Variants in CDK6 observed in about 807,000 individuals in gnomAD.
The protein encoded by CDK6 is cyclin dependent kinase 6.
A neutral mutation model predicts 37.1 loss-of-function variants in CDK6; 6 were observed. That is an observed-to-expected ratio of 0.16 (90% CI 0.09 to 0.32). The LOEUF is 0.32. CDK6 is among the 10% of genes least tolerant of loss of function. CDK6 has a pLI of 1.00. For missense variants in CDK6, 224 were observed against 418.9 expected (o/e 0.53, Z 4.06); for synonymous variants, 160 against 161.3 (o/e 0.99, Z 0.06).
chr7:92,732,163 AT>A (rs1443611829), intron 3 of CDK6, among the ~76,000 whole-genome samples: 5 of 152,238 alleles, frequency 3.3e-5, no homozygotes, highest in Admixed American at 3.3e-4. Context: ...CACACCTGTA[AT>A]CCTAGCACTT....
chr7:92,805,227 C>T (rs994998483), intron 2 of CDK6, among the ~76,000 whole-genome samples: 13 of 152,150 alleles, frequency 8.5e-5, no homozygotes, highest in African/African-American at 3.1e-4. Context: ...CACCCTTCAC[C>T]ACCATCACGT....
At chr7:92,712,675 A>G (rs1329998220) in intron 4 of CDK6, among the ~76,000 whole-genome samples, 1 of 152,172 alleles carries the variant, frequency 6.6e-6, no homozygotes, top group African/African-American at 2.4e-5. Context: ...TGCTGAGGTC[A>G]CTCTTGAAAG....
intron 2 of CDK6, among the ~76,000 whole-genome samples, chr7:92,820,176 CAAGA>C (rs972223659): frequency 5.9e-5 from 9 of 151,974 alleles, no homozygotes; most frequent in African/African-American, 1.4e-4. Flanking sequence ...CAAAATGATA[CAAGA>C]AAGTCATGGC....
chr7:92,792,558 A>G (rs1274481923), intron 2 of CDK6, among the ~76,000 whole-genome samples: 1 of 152,100 alleles, frequency 6.6e-6, no homozygotes, highest in Non-Finnish European at 1.5e-5. Context: ...GATTGTACCA[A>G]TTTATACTCC....
intron 5 of CDK6, among the ~76,000 whole-genome samples, chr7:92,627,660 G>A (rs1326581100): frequency 6.6e-6 from 1 of 152,000 alleles, no homozygotes; most frequent in African/African-American, 2.4e-5. Context: ...GACTGCTAAT[G>A]GGTATGGCGT....
chr7:92,667,962 G>A (rs1346025239), intron 5 of CDK6, among the ~76,000 whole-genome samples: 1 of 152,162 alleles, frequency 6.6e-6, no homozygotes, highest in Non-Finnish European at 1.5e-5. Context: ...AGTGTACAGT[G>A]TTTATAAAGT....
chr7:92,804,973 T>C (rs1800686243), intron 2 of CDK6, among the ~76,000 whole-genome samples: 3 of 152,240 alleles, frequency 2.0e-5, no homozygotes, highest in African/African-American at 2.4e-5. Flanking sequence ...GTACTGTTTG[T>C]ATAATTCTAG....
chr7:92,797,297 T>A (rs1800439248), intron 2 of CDK6, among the ~76,000 whole-genome samples: 1 of 152,164 alleles, frequency 6.6e-6, no homozygotes, highest in Non-Finnish European at 1.5e-5. Context: ...AACCTGGCTT[T>A]CCCACAGACA....
At chr7:92,756,764 T>C (rs557772109) in intron 3 of CDK6, among the ~76,000 whole-genome samples, 2 of 152,274 alleles carry the variant, frequency 1.3e-5, no homozygotes, top group South Asian at 4.1e-4. Flanking sequence ...AATCTATCTT[T>C]CCAATAACAA....
At chr7:92,683,180 T>C (rs943560927) in intron 4 of CDK6, among the ~76,000 whole-genome samples, 24 of 151,718 alleles carry the variant, frequency 1.6e-4, no homozygotes, top group African/African-American at 4.8e-4. Flanking sequence ...GCAGGGCTCA[T>C]TGTTTCCTCT....
At chr7:92,685,184 C>T (rs1393043404) in intron 4 of CDK6, among the ~76,000 whole-genome samples, 1 of 152,140 alleles carries the variant, frequency 6.6e-6, no homozygotes, top group East Asian at 1.9e-4. Context: ...CATTCATTTG[C>T]TCTTAATGAG....
rs1467894440 is a variant in CDK6 at position 92,606,099 on chromosome 7, A to C, written c.*9041T>G. On this transcript the variant is annotated 3_prime_UTR_variant, in exon 8 of 8. Coordinates refer to ENST00000424848, the MANE Select transcript of CDK6 (RefSeq NM_001145306.2). ...CTTATAAGTCTGTACCCTGATATGAAAATAGCAGAATGAATTTCAAGTATG... is the reference window on the plus strand; with the variant it reads ...CTTATAAGTCTGTACCCTGATATGACAATAGCAGAATGAATTTCAAGTATG... 4.3e-6 allele frequency: 1 copy of C among 233,540 alleles called. No homozygotes were observed. Among genetic ancestry groups the C allele is most frequent in the African/African-American group, 2.2e-5 (1 of 45,344 alleles). 14.5% of individuals were successfully genotyped at this position (233,540 alleles called of 1,614,324 possible).
chr7:92,793,694 A>G (rs1381253576), intron 2 of CDK6, among the ~76,000 whole-genome samples: 1 of 152,172 alleles, frequency 6.6e-6, no homozygotes, highest in Non-Finnish European at 1.5e-5. Flanking sequence ...GGGTTAGGCA[A>G]TATCTTAATT....
chr7:92,746,148 A>G (rs1188201755), intron 3 of CDK6, among the ~76,000 whole-genome samples: 1 of 152,194 alleles, frequency 6.6e-6, no homozygotes, highest in Non-Finnish European at 1.5e-5. Flanking sequence ...ATAGCAGTCT[A>G]TTCAGCCATC....
intron 4 of CDK6, among the ~76,000 whole-genome samples, chr7:92,713,991 C>T (rs959971285): frequency 3.3e-5 from 5 of 152,160 alleles, no homozygotes; most frequent in African/African-American, 1.2e-4. Flanking sequence ...TTTTACCACC[C>T]ACATATACTC....
At chr7:92,767,057 G>T (rs1462838299) in intron 3 of CDK6, among the ~76,000 whole-genome samples, 1 of 152,090 alleles carries the variant, frequency 6.6e-6, no homozygotes, top group Non-Finnish European at 1.5e-5. Context: ...GCTTTAGGCT[G>T]TCTCCAACCT....
intron 3 of CDK6, among the ~76,000 whole-genome samples, chr7:92,769,715 C>T (rs1799665216): frequency 6.6e-6 from 1 of 152,150 alleles, no homozygotes. Flanking sequence ...GAGTCTCTCT[C>T]CATCTGTATC....
intron 6 of CDK6, among the ~76,000 whole-genome samples, chr7:92,620,877 C>T (rs914596746): frequency 6.6e-6 from 1 of 152,142 alleles, no homozygotes; most frequent in Non-Finnish European, 1.5e-5. Flanking sequence ...CACTGTACTC[C>T]AGCCTGGACA....
rs542513747 is a variant in CDK6 at position 92,777,830 on chromosome 7, C to T, written c.234-2999G>A. Among the ~76,000 whole-genome samples the T allele has an allele frequency of 9.0e-4, 137 of 152,204 alleles. 1 individual carries two copies. Among genetic ancestry groups the T allele is most frequent in the Non-Finnish European group, 1.4e-3 (97 of 68,012 alleles). Reference sequence around the variant, plus strand: ...ATATAAATTACTTTAGGCAGTATGGCGATTTTCACAATATTGATTCTTTGT... The same window carrying T: ...ATATAAATTACTTTAGGCAGTATGGTGATTTTCACAATATTGATTCTTTGT... On this transcript the variant is annotated intron_variant, in intron 2 of 7. Coordinates refer to ENST00000424848, the MANE Select transcript of CDK6 (RefSeq NM_001145306.2).
Sources: gnomAD v4.1 joint callset for allele counts (sites outside exome capture counted in the v4.1 genomes callset) on GRCh38, gnomAD v4.1.1 for gene constraint, MANE v1.5 for transcripts, NCBI Gene and HGNC (gene_info 2026-07-23, HGNC 2026-07-21) for gene names.